SYNJ2: variants seen among roughly 807,000 people sequenced by gnomAD.
The protein encoded by SYNJ2 is synaptojanin 2.
SYNJ2 carries 116 observed loss-of-function variants against 141.3 expected under a neutral mutation model. The observed-to-expected ratio is 0.82, with a 90% CI of 0.71 to 0.96. SYNJ2 has a LOEUF of 0.96. Ranked by LOEUF, SYNJ2 falls within the 40% of genes least tolerant of loss-of-function variation. The pLI is 0.00. For missense variants in SYNJ2, 1,873 were observed against 1,934.8 expected (o/e 0.97, Z 0.60); for synonymous variants, 745 against 777.7 (o/e 0.96, Z 0.70).
intron 6 of SYNJ2, among the ~76,000 whole-genome samples, chr6:158,055,421 C>A (rs1288084854): frequency 6.6e-6 from 1 of 151,514 alleles, no homozygotes; most frequent in African/African-American, 2.4e-5. Context: ...ATAAAAGTAC[C>A]CTAACTCCCA....
rs1024165052 is a variant in SYNJ2 at position 158,091,083 on chromosome 6, C to T, written c.3565+1136C>T. Reference sequence around the variant, plus strand: ...CTGTAATCCCAGCACTTTGGGAGGCCGAGGCGGGTGGATCACGAGGACAGG... The same window carrying T: ...CTGTAATCCCAGCACTTTGGGAGGCTGAGGCGGGTGGATCACGAGGACAGG... On this transcript the variant is annotated intron_variant, in intron 25 of 26. Transcript: ENST00000355585. 9.2e-5 allele frequency among the ~76,000 whole-genome samples: 14 copies of T among 151,766 alleles called. No homozygotes were observed. The South Asian group carries it at 1.0e-3, about 11-fold the overall frequency.
chr6:158,050,216 G>A (rs140228397), intron 5 of SYNJ2, among the ~76,000 whole-genome samples: 152 of 152,370 alleles, frequency 1.0e-3, no homozygotes, highest in African/African-American at 3.4e-3. Context: ...AAACTTCAGC[G>A]TGTGTGCATA....
chr6:158,002,045 G>C (rs928635804), intron 1 of SYNJ2: 20 of 152,590 alleles, frequency 1.3e-4, no homozygotes, highest in African/African-American at 4.3e-4. Context: ...TTTCCTCAAG[G>C]CCTCCAGGAC....
chr6:158,030,798 G>A (rs1779321599), intron 3 of SYNJ2: 1 of 152,340 alleles, frequency 6.6e-6, no homozygotes, highest in Non-Finnish European at 1.5e-5. Flanking sequence ...GGGAGGCTGA[G>A]GCAGAAGAAT....
rs533457407 is a variant in SYNJ2 at position 158,070,985 on chromosome 6, C to A, written c.1941-617C>A. On this transcript the variant is annotated intron_variant, in intron 14 of 26. Coordinates refer to ENST00000355585, the MANE Select transcript of SYNJ2 (RefSeq NM_003898.4). The surrounding 1 kb of genome is among the most constrained non-coding windows in gnomAD (Gnocchi z 4.0). ...ATCACTTGAGGTGAGGAGTTTGAGA[C>A]CAGCCTGGCCAACATGGTGAAACCC... Among the ~76,000 whole-genome samples the A allele has an allele frequency of 6.6e-6, 1 of 152,226 alleles. No homozygotes were observed. Among genetic ancestry groups the A allele is most frequent in the African/African-American group, 2.4e-5 (1 of 41,522 alleles).
At chr6:157,997,714 C>T (rs560517306) in intron 1 of SYNJ2, among the ~76,000 whole-genome samples, 6 of 152,096 alleles carry the variant, frequency 3.9e-5, no homozygotes, top group African/African-American at 1.4e-4. Flanking sequence ...AACACTGCCT[C>T]GTGTGGAAAT....
intron 15 of SYNJ2, among the ~76,000 whole-genome samples, chr6:158,074,219 G>A (rs1000774029): frequency 3.3e-5 from 5 of 152,158 alleles, no homozygotes; most frequent in African/African-American, 7.2e-5. Flanking sequence ...TTCTCCTAAC[G>A]CTGAATGCTG....
At chr6:158,083,837 T>A (rs1285844588) in intron 21 of SYNJ2, among the ~76,000 whole-genome samples, 164 bp from the exon 22 acceptor site, 1 of 152,104 alleles carries the variant, frequency 6.6e-6, no homozygotes, top group African/African-American at 2.4e-5. Flanking sequence ...GGGCTGTGGG[T>A]GTACCAATGG....
At position 158,043,262 on chromosome 6, in the gene SYNJ2, G is replaced by T; in HGVS notation, c.712-54G>T. 2.0e-6 allele frequency: 3 copies of T among 1,530,176 alleles called. No homozygotes were observed. The highest frequency in any genetic ancestry group is 1.8e-6 in the Non-Finnish European group (2 of 1,106,186). 94.8% of individuals were successfully genotyped at this position (1,530,176 alleles called of 1,614,324 possible). A position where few individuals can be genotyped will look rare whatever the true frequency, so the allele number is the denominator to read the frequency against. On this transcript the variant is annotated intron_variant, in intron 4 of 26. Transcript: ENST00000355585. The surrounding 1 kb of genome is among the most constrained non-coding windows in gnomAD (Gnocchi z 4.0). Reference sequence around the variant, plus strand: ...GGCCGGATCCCGTTACCCAGCCCAGGACGTTCGGTTTCATTGAAGAATACC... The same window carrying T: ...GGCCGGATCCCGTTACCCAGCCCAGTACGTTCGGTTTCATTGAAGAATACC...
Position 158,064,968 on chromosome 6 carries a change from T to C in SYNJ2, c.1502T>C (p.Leu501Pro). The C allele has an allele frequency of 6.2e-7, 1 of 1,602,690 alleles. No homozygotes were observed. Among genetic ancestry groups the C allele is most frequent in the Non-Finnish European group, 8.5e-7 (1 of 1,174,050 alleles). ...GAGGTGGCAGACAAAGGGGGCATGC[T>C]GCTGGACAGCACGGCGCTCCTGGGT... is the stretch of plus-strand genomic sequence containing the variant. The part of the protein sequence containing the change: ...GEEVADKGGM[L>P]LDSTALLVTP... The change falls in exon 11 of 27, where the codon CTG becomes CCG. Residue 501 changes from leucine to proline, a missense_variant. Physicochemically the swap from Leu to Pro is moderately conservative, Grantham distance 98. Transcript: ENST00000355585.
chr6:158,093,461 A>C (rs1022654556), intron 26 of SYNJ2, among the ~76,000 whole-genome samples: 1 of 152,052 alleles, frequency 6.6e-6, no homozygotes, highest in Non-Finnish European at 1.5e-5. Flanking sequence ...AAAAAAAAAA[A>C]AACAGATTTG....
At chr6:157,988,361 C>G (rs917798158) in intron 1 of SYNJ2, among the ~76,000 whole-genome samples, 1 of 152,186 alleles carries the variant, frequency 6.6e-6, no homozygotes, top group Non-Finnish European at 1.5e-5. Flanking sequence ...CAGGTAGTCA[C>G]GGTGGCATAC....
rs569781295 is a variant in SYNJ2, at chr6:158,099,173, T to A, written c.*2809T>A. 36 of 152,366 alleles carry A rather than the reference T, an allele frequency of 2.4e-4. No homozygotes were observed. Among genetic ancestry groups the A allele is most frequent in the African/African-American group, 8.4e-4 (35 of 41,588 alleles). The allele number at this position is 152,366 out of a possible 1,614,324, so 9.4% of individuals were successfully genotyped here. ...CCTATTAAATGTTTTTGTCTTTTTTTAAATTGGGTTTATTTCTTTTCAGAT... is the reference window on the plus strand; with the variant it reads ...CCTATTAAATGTTTTTGTCTTTTTTAAAATTGGGTTTATTTCTTTTCAGAT... On this transcript the variant is annotated 3_prime_UTR_variant, in exon 27 of 27. Transcript: ENST00000355585.
At position 158,084,056 on chromosome 6, in the gene SYNJ2, A is replaced by G. The variant is rs1744173; in HGVS notation, c.3090A>G (p.Gly1030=). The stretch of plus-strand genomic sequence containing the variant: ...TGGTGGATGAATTCAATCAGCCTGG[A>G]GTCTCGGACAGTGAACTCGGGGGAG... The part of the protein sequence containing the change: ...DYLVDEFNQP[G]VSDSELGGDD... The change falls in exon 22 of 27, where the codon GGA becomes GGG. Residue 1030 remains glycine (G), a synonymous_variant. Coordinates refer to ENST00000355585, the MANE Select transcript of SYNJ2 (RefSeq NM_003898.4). This position sits in a 1 kb window ranked among gnomAD's most constrained non-coding sequence, Gnocchi z 5.0. 0.84 allele frequency: 1,354,390 copies of G among 1,613,910 alleles called. 575,076 individuals carry two copies. Among genetic ancestry groups the G allele is most frequent in the African/African-American group, 0.97 (72,398 of 74,996 alleles).
At chr6:158,019,104 A>G (rs1778624291) in intron 2 of SYNJ2, among the ~76,000 whole-genome samples, 1 of 152,152 alleles carries the variant, frequency 6.6e-6, no homozygotes, top group Non-Finnish European at 1.5e-5. Context: ...TTTTTTCCAC[A>G]TGGTAGTATC....
Position 158,084,304 on chromosome 6 carries a change from G to A in SYNJ2, c.3208+130G>A. 9.4e-7 allele frequency: 1 copy of A among 1,062,612 alleles called. No individual in the cohort carries two copies. The highest frequency in any genetic ancestry group is 1.6e-5 in the South Asian group (1 of 62,494). 65.8% of individuals were successfully genotyped at this position (1,062,612 alleles called of 1,614,324 possible). ...AGGTCCCAGGAGAGACCTCAACCAG[G>A]CAGGCCAAGCGAGGGGTAGGGACTG... On this transcript the variant is annotated intron_variant, in intron 22 of 26. Coordinates refer to ENST00000355585, the MANE Select transcript of SYNJ2 (RefSeq NM_003898.4). The surrounding 1 kb of genome is among the most constrained non-coding windows in gnomAD (Gnocchi z 5.0).
chr6:158,067,772 G>A (rs2128370324), intron 12 of SYNJ2: 1 of 985,112 alleles, frequency 1.0e-6, no homozygotes, highest in Non-Finnish European at 1.2e-6. Flanking sequence ...AGGTGGCAGA[G>A]TCCACCATTC....
intron 6 of SYNJ2, among the ~76,000 whole-genome samples, chr6:158,057,747 G>A (rs2477807): frequency 0.35 from 52,645 of 152,204 alleles, 9,439 homozygotes; most frequent in South Asian, 0.43. Context: ...TGTGGGATGT[G>A]GCTTGGATGT....
chr6:158,042,893 T>G (rs1462407895), intron 4 of SYNJ2, among the ~76,000 whole-genome samples: 1 of 152,230 alleles, frequency 6.6e-6, no homozygotes, highest in Non-Finnish European at 1.5e-5. Context: ...CATTCAGTCC[T>G]TTTCTCATAG....
Sources: allele counts gnomAD v4.1 joint callset (sites outside exome capture counted in the v4.1 genomes callset), GRCh38; gene constraint gnomAD v4.1.1; non-coding constraint Gnocchi (gnomAD v3.1); transcripts MANE v1.5; gene names NCBI Gene and HGNC (gene_info 2026-07-23, HGNC 2026-07-21).